Variants in TNFRSF19 observed in about 807,000 individuals in gnomAD.
TNFRSF19 encodes the protein TNF receptor superfamily member 19, also known as tumor necrosis factor receptor superfamily member 19.
A neutral mutation model predicts 46.4 loss-of-function variants in TNFRSF19; 27 were observed. The ratio of observed to expected loss-of-function variants is 0.58; its 90% confidence interval spans 0.43 to 0.80. The LOEUF (loss-of-function observed/expected upper bound fraction) is 0.80. Among genes scored for constraint, TNFRSF19 ranks in the 30% least tolerant of loss-of-function variants. TNFRSF19 has a pLI of 0.00. For synonymous variants in TNFRSF19, 204 were observed against 205.0 expected (o/e 1.00, Z 0.04); for missense variants, 511 against 530.8 (o/e 0.96, Z 0.37).
At chr13:23,601,489 T>C (rs1162041918) in intron 3 of TNFRSF19, among the ~76,000 whole-genome samples, 1 of 152,210 alleles carries the variant, frequency 6.6e-6, no homozygotes, top group Non-Finnish European at 1.5e-5. Flanking sequence ...AAAGAAGTTC[T>C]TTAGACAGAA....
chr13:23,662,003 A>G (rs1884396368), intron 7 of TNFRSF19, among the ~76,000 whole-genome samples: 1 of 152,072 alleles, frequency 6.6e-6, no homozygotes, highest in African/African-American at 2.4e-5. Context: ...TACTCTGATG[A>G]TAGTTTCTTT....
At chr13:23,666,821 C>G (rs879837534) in intron 7 of TNFRSF19, among the ~76,000 whole-genome samples, 1 of 152,140 alleles carries the variant, frequency 6.6e-6, no homozygotes, top group Non-Finnish European at 1.5e-5. Flanking sequence ...GACTTAGATG[C>G]AGGCAGGCCA....
intron 5 of TNFRSF19, among the ~76,000 whole-genome samples, chr13:23,644,355 G>A (rs1237057370): frequency 5.3e-5 from 8 of 152,120 alleles, no homozygotes; most frequent in Non-Finnish European, 1.0e-4. Flanking sequence ...CCTTCATCCC[G>A]TTCTCATGAT....
intron 4 of TNFRSF19, among the ~76,000 whole-genome samples, chr13:23,623,357 C>T (rs1278319531): frequency 1.3e-5 from 2 of 152,138 alleles, no homozygotes; most frequent in African/African-American, 4.8e-5. Context: ...CATCAGTGGA[C>T]ATTTGGGTTT....
intron 1 of TNFRSF19, among the ~76,000 whole-genome samples, chr13:23,576,232 C>T (rs1877949668): frequency 6.6e-6 from 1 of 151,566 alleles, no homozygotes; most frequent in East Asian, 1.9e-4. Context: ...CTCCCGGGTT[C>T]AAATAATTCT....
intron 1 of TNFRSF19, among the ~76,000 whole-genome samples, chr13:23,585,783 T>G: frequency 6.6e-6 from 1 of 152,146 alleles, no homozygotes; most frequent in South Asian, 2.1e-4. Context: ...GAGCCCAGTG[T>G]GACAGTGGGG....
intron 1 of TNFRSF19, among the ~76,000 whole-genome samples, chr13:23,582,931 T>C (rs1466514157): frequency 1.3e-5 from 2 of 152,236 alleles, no homozygotes; most frequent in African/African-American, 4.8e-5. Context: ...TAGTATTCCA[T>C]TGCATGCACC....
At chr13:23,633,007 G>A (rs577558085) in intron 5 of TNFRSF19, among the ~76,000 whole-genome samples, 1 of 152,200 alleles carries the variant, frequency 6.6e-6, no homozygotes, top group East Asian at 1.9e-4. Context: ...ACTGACCCCT[G>A]AGGTTTTCTC....
At chr13:23,575,656 A>T (rs1267045184) in intron 1 of TNFRSF19, among the ~76,000 whole-genome samples, 1 of 152,216 alleles carries the variant, frequency 6.6e-6, no homozygotes, top group Non-Finnish European at 1.5e-5. Flanking sequence ...TTCATCCAAC[A>T]AATTTTTAAT....
intron 5 of TNFRSF19, 92 bp downstream of exon 5, chr13:23,626,884 C>A: frequency 2.5e-6 from 3 of 1,182,256 alleles, no homozygotes; most frequent in Non-Finnish European, 2.4e-6. Flanking sequence ...GCAGATGGAG[C>A]CAAATCTGTC....
chr13:23,658,975 G>A, intron 5 of TNFRSF19, 75 bp from the exon 6 acceptor site: 4 of 1,594,456 alleles, frequency 2.5e-6, no homozygotes, highest in Non-Finnish European at 3.4e-6. Flanking sequence ...ACTGGTAAGG[G>A]TGCCTGCCAG....
Position 23,639,809 on chromosome 13 carries a change from C to T in TNFRSF19, c.445+13017C>T, listed in dbSNP as rs955668577. On this transcript the variant is annotated intron_variant, in intron 5 of 9. Transcript: ENST00000248484. ...AGAGAGCCCAGAGGATTTGGAAAGA[C>T]CATTTCCAAGCGCTGCACATGGCTG... Among the ~76,000 whole-genome samples, 9 of 152,176 alleles carry T rather than the reference C, an allele frequency of 5.9e-5. No individual in the cohort carries two copies. The South Asian group carries it at 1.9e-3, about 31-fold the overall frequency.
At chr13:23,669,867 A>G (rs1014670181) in intron 9 of TNFRSF19, among the ~76,000 whole-genome samples, 4 of 152,204 alleles carry the variant, frequency 2.6e-5, no homozygotes, top group Non-Finnish European at 5.9e-5. Flanking sequence ...ATGTATTGTT[A>G]GTGTTAAGTT....
chr13:23,630,882 A>G (rs1018150000), intron 5 of TNFRSF19, among the ~76,000 whole-genome samples: 1 of 152,150 alleles, frequency 6.6e-6, no homozygotes, highest in African/African-American at 2.4e-5. Flanking sequence ...ACTTTATTTA[A>G]GTATGTTTAA....
chr13:23,606,546 C>T (rs1298253829), intron 3 of TNFRSF19, among the ~76,000 whole-genome samples: 1 of 152,134 alleles, frequency 6.6e-6, no homozygotes, highest in Non-Finnish European at 1.5e-5. Context: ...TACAGAGCAC[C>T]CAGCTCCTGA....
At position 23,660,452 on chromosome 13, in the gene TNFRSF19, C is replaced by G. The variant is rs200301452; in HGVS notation, c.698C>G (p.Ala233Gly). The G allele has an allele frequency of 2.5e-4, 401 of 1,613,544 alleles. No homozygotes were observed. Among genetic ancestry groups the G allele is most frequent in the Admixed American group, 1.8e-4 (11 of 59,990 alleles). Residue 233 changes from alanine to glycine, a missense_variant, in exon 7 of 10, where the codon GCC becomes GGC. Around this residue, in one of 3 missense-constraint regions of TNFRSF19, gnomAD observed 376 missense variants for 372.7 expected, o/e 1.01. Coordinates refer to ENST00000248484, the MANE Select transcript of TNFRSF19 (RefSeq NM_148957.4). ...CAGCTCCACGAATATGCCCACAGAG[C>G]CTGCTGCCAGTGCCGCCGTGACTCA... ...RPQLHEYAHR[A>G]CCQCRRDSVQ...
rs199502651 is a variant in TNFRSF19, at chr13:23,609,192, T to C, written c.181-6675T>C. Reference sequence around the variant, plus strand: ...CATTGAGCCATATTTACCCTATCTCTCCTCCACTACAGGATTTCGATTTTG... The same window carrying C: ...CATTGAGCCATATTTACCCTATCTCCCCTCCACTACAGGATTTCGATTTTG... On this transcript the variant is annotated intron_variant, in intron 3 of 9. Coordinates refer to ENST00000248484, the MANE Select transcript of TNFRSF19 (RefSeq NM_148957.4). Among the ~76,000 whole-genome samples, 17 of 152,294 alleles carry C rather than the reference T, an allele frequency of 1.1e-4. No individual in the cohort carries two copies. The East Asian group carries it at 3.3e-3, about 29-fold the overall frequency.
chr13:23,610,914 C>T (rs1457197652), intron 3 of TNFRSF19, among the ~76,000 whole-genome samples: 1 of 152,020 alleles, frequency 6.6e-6, no homozygotes, highest in East Asian at 1.9e-4. Flanking sequence ...CTGCGTACTT[C>T]CTTCAAGCTT....
intron 5 of TNFRSF19, among the ~76,000 whole-genome samples, chr13:23,656,138 G>A (rs1262529070): frequency 5.3e-5 from 8 of 152,178 alleles, no homozygotes; most frequent in Admixed American, 5.2e-4. Context: ...AGTAAAACTT[G>A]TATATTTTTC....
Sources: allele counts gnomAD v4.1 joint callset (sites outside exome capture counted in the v4.1 genomes callset), GRCh38; gene constraint gnomAD v4.1.1; regional missense constraint gnomAD v4.1.1; transcripts MANE v1.5; gene names NCBI Gene and HGNC (gene_info 2026-07-23, HGNC 2026-07-21).